GAP43: variants seen among roughly 807,000 people sequenced by gnomAD.
The protein encoded by GAP43 is neuromodulin.
Under a neutral mutation model 18.6 loss-of-function variants are expected in GAP43, and 6 were observed. The ratio of observed to expected loss-of-function variants is 0.32; its 90% CI spans 0.18 to 0.64. The LOEUF (loss-of-function observed/expected upper bound fraction) is 0.64. GAP43 is among the 30% of genes least tolerant of loss of function. The pLI, the probability that GAP43 is intolerant of heterozygous loss-of-function variation, is 0.78. For missense variants in GAP43, 292 were observed against 295.5 expected (o/e 0.99, Z 0.09); for synonymous variants, 115 against 111.4 (o/e 1.03, Z -0.20).
chr3:115,665,993 TGTG>T (rs541799112), intron 1 of GAP43, among the ~76,000 whole-genome samples: 69,958 of 139,252 alleles, frequency 0.5, 17,187 homozygotes, highest in Non-Finnish European at 0.59. Flanking sequence ...TAAATGAGTG[TGTG>T]TGTGTGTGTG....
At chr3:115,718,075 C>T (rs1709534028) in intron 2 of GAP43, among the ~76,000 whole-genome samples, 1 of 152,226 alleles carries the variant, frequency 6.6e-6, no homozygotes, top group African/African-American at 2.4e-5. Flanking sequence ...CAGTCTACTT[C>T]CCTTTTTCTC....
chr3:115,683,617 C>A (rs754179832), intron 2 of GAP43, among the ~76,000 whole-genome samples: 6 of 152,072 alleles, frequency 3.9e-5, no homozygotes, highest in Non-Finnish European at 8.8e-5. Context: ...TCATTTCCAT[C>A]TTACACTTAA....
At position 115,707,990 on chromosome 3, in the gene GAP43, TACACAC is replaced by T. The variant is rs3086971; in HGVS notation, c.629-12784_629-12779del. The stretch of plus-strand genomic sequence containing the variant: ...AGCATTCAAGATATATATATCGGGA[TACACAC>T]ACACACACACACACACACATATATA... On this transcript the variant is annotated intron_variant, in intron 2 of 2. Transcript: ENST00000305124. 1.7e-3 allele frequency among the ~76,000 whole-genome samples: 246 copies of T among 147,014 alleles called. 1 individual carries two copies. Among genetic ancestry groups the T allele is most frequent in the African/African-American group, 5.9e-3 (235 of 40,144 alleles).
rs565042245 is a variant in GAP43, at chr3:115,632,151, C to T, written c.30+8432C>T. 2.0e-5 allele frequency among the ~76,000 whole-genome samples: 3 copies of T among 151,964 alleles called. No homozygotes were observed. In the East Asian group the frequency reaches 5.8e-4, roughly 29 times the overall value. Reference sequence around the variant, plus strand: ...CTCCATTTGCTAAGTTTGCTGCCTCCCCCTCTATACCCACCCCCACTTCAC... The same window carrying T: ...CTCCATTTGCTAAGTTTGCTGCCTCTCCCTCTATACCCACCCCCACTTCAC... On this transcript the variant is annotated intron_variant, in intron 1 of 2. Transcript: ENST00000305124.
At chr3:115,704,023 C>G (rs1398725566) in intron 2 of GAP43, among the ~76,000 whole-genome samples, 1 of 152,036 alleles carries the variant, frequency 6.6e-6, no homozygotes, top group African/African-American at 2.4e-5. Context: ...AAAGCAGCAC[C>G]ATAATTTGAC....
intron 1 of GAP43, among the ~76,000 whole-genome samples, chr3:115,639,685 T>A (rs1443999609): frequency 6.6e-6 from 1 of 151,850 alleles, no homozygotes; most frequent in Non-Finnish European, 1.5e-5. Context: ...CCCAAACCAA[T>A]AAACAAAGGA....
At chr3:115,641,510 T>TCACACACACACACA (rs376412583) in intron 1 of GAP43, among the ~76,000 whole-genome samples, 1,744 of 107,022 alleles carry the variant, frequency 0.016, 15 homozygotes, top group African/African-American at 0.033. Flanking sequence ...ATATATATAT[T>TCACACACACACACA]CACACACACA....
At chr3:115,711,077 T>C (rs1709430557) in intron 2 of GAP43, among the ~76,000 whole-genome samples, 1 of 152,208 alleles carries the variant, frequency 6.6e-6, no homozygotes, top group Non-Finnish European at 1.5e-5. Context: ...TTTATGACCA[T>C]AGTAGAGAAA....
intron 2 of GAP43, among the ~76,000 whole-genome samples, chr3:115,699,370 T>TC (rs1404840686): frequency 6.6e-5 from 10 of 152,168 alleles, no homozygotes. Flanking sequence ...TCCTTCCTCT[T>TC]CCCCCACCAC....
intron 1 of GAP43, among the ~76,000 whole-genome samples, chr3:115,661,539 A>G (rs189949719): frequency 6.6e-6 from 1 of 152,124 alleles, no homozygotes; most frequent in East Asian, 1.9e-4. Flanking sequence ...CCCAGGCTGG[A>G]GTGCAGTGGC....
chr3:115,717,506 A>G (rs1460362227), intron 2 of GAP43, among the ~76,000 whole-genome samples: 2 of 151,744 alleles, frequency 1.3e-5, no homozygotes, highest in Non-Finnish European at 2.9e-5. Flanking sequence ...ACGGGGTTTC[A>G]CCATTTTGGC....
chr3:115,665,556 G>C (rs1708721632), intron 1 of GAP43, among the ~76,000 whole-genome samples: 1 of 152,042 alleles, frequency 6.6e-6, no homozygotes, highest in African/African-American at 2.4e-5. Flanking sequence ...TAAGTTGAAA[G>C]TACTTCATAA....
chr3:115,715,405 T>C (rs1322628116), intron 2 of GAP43, among the ~76,000 whole-genome samples: 1 of 152,214 alleles, frequency 6.6e-6, no homozygotes, highest in East Asian at 1.9e-4. Context: ...TTGCTTCTAC[T>C]CACTTGTTCT....
chr3:115,657,390 C>T (rs535046246), intron 1 of GAP43, among the ~76,000 whole-genome samples: 96 of 152,250 alleles, frequency 6.3e-4, no homozygotes, highest in Non-Finnish European at 1.2e-3. Context: ...AAACTGATCC[C>T]GGGCCTCTTG....
At position 115,676,540 on chromosome 3, in the gene GAP43, T is replaced by C; in HGVS notation, c.558T>C (p.Asp186=). 1 of 1,613,480 alleles carries C rather than the reference T, an allele frequency of 6.2e-7. No individual in the cohort carries two copies. The highest frequency in any genetic ancestry group is 1.1e-5 in the South Asian group (1 of 91,058). The change falls in exon 2 of 3, where the codon GAT becomes GAC. Residue 186 remains aspartate, a synonymous_variant. Transcript: ENST00000305124. ...AAAATTPAAE[D]AAAKATAQPP... ...CTGCCACCACCCCTGCCGCAGAGGATGCTGCTGCCAAGGCAACAGCCCAGC... is the reference window on the plus strand; with the variant it reads ...CTGCCACCACCCCTGCCGCAGAGGACGCTGCTGCCAAGGCAACAGCCCAGC...
rs192921489 is a variant in GAP43, at chr3:115,667,777, G to A, written c.31-8236G>A. On this transcript the variant is annotated intron_variant, in intron 1 of 2. Coordinates refer to ENST00000305124, the MANE Select transcript of GAP43 (RefSeq NM_002045.4). ...TTTCTTGATGCATTGGCTTCCTGCA[G>A]CTCTTCTTCTGTCTTCAGTTGCTAG... Among the ~76,000 whole-genome samples, 162 of 152,292 alleles carry A rather than the reference G, an allele frequency of 1.1e-3. 1 individual carries two copies. Among genetic ancestry groups the A allele is most frequent in the Middle Eastern group, 3.4e-3 (1 of 294 alleles).
At chr3:115,689,127 G>A (rs1709070788) in intron 2 of GAP43, among the ~76,000 whole-genome samples, 1 of 152,192 alleles carries the variant, frequency 6.6e-6, no homozygotes, top group Non-Finnish European at 1.5e-5. Context: ...GTCTCCATTT[G>A]AATGTCCCTT....
intron 1 of GAP43, among the ~76,000 whole-genome samples, chr3:115,639,058 T>C (rs1189563445): frequency 3.9e-5 from 6 of 152,086 alleles, no homozygotes; most frequent in Non-Finnish European, 5.9e-5. Context: ...GTGCAGCCTA[T>C]AAAATGAACA....
chr3:115,719,573 G>A (rs1422832849), intron 2 of GAP43, among the ~76,000 whole-genome samples: 1 of 152,208 alleles, frequency 6.6e-6, no homozygotes, highest in East Asian at 1.9e-4. Flanking sequence ...TCTTCCATGT[G>A]TTATGGTAAT....
Sources: gnomAD v4.1 joint callset for allele counts (sites outside exome capture counted in the v4.1 genomes callset) on GRCh38, gnomAD v4.1.1 for gene constraint, MANE v1.5 for transcripts, NCBI Gene and HGNC (gene_info 2026-07-23, HGNC 2026-07-21) for gene names.